GALNTL6: variants seen among roughly 807,000 people sequenced by gnomAD.
GALNTL6 encodes polypeptide N-acetylgalactosaminyltransferase-like 6.
GALNTL6 carries 46 observed loss-of-function variants against 73.7 expected under a neutral mutation model. The observed-to-expected ratio is 0.62, with a 90% CI of 0.49 to 0.80. GALNTL6 has a LOEUF of 0.80. Among genes scored for constraint, GALNTL6 ranks in the 30% least tolerant of loss-of-function variants. The pLI is 0.00. For missense variants in GALNTL6, 604 were observed against 755.0 expected (o/e 0.80, Z 2.34); for synonymous variants, 259 against 263.7 (o/e 0.98, Z 0.17).
At chr4:172,559,372 A>C (rs1042726085) in intron 5 of GALNTL6, among the ~76,000 whole-genome samples, 8 of 152,092 alleles carry the variant, frequency 5.3e-5, no homozygotes, top group Non-Finnish European at 1.2e-4. Context: ...AGAACATGTG[A>C]TAATTAAGTC....
chr4:172,835,680 C>CGAAT (rs1248063242), intron 7 of GALNTL6, among the ~76,000 whole-genome samples: 1 of 151,950 alleles, frequency 6.6e-6, no homozygotes. Flanking sequence ...AGCAAGAAGC[C>CGAAT]GAATGCACTC....
At chr4:172,629,409 G>A (rs1456710873) in intron 5 of GALNTL6, among the ~76,000 whole-genome samples, 1 of 151,920 alleles carries the variant, frequency 6.6e-6, no homozygotes, top group Non-Finnish European at 1.5e-5. Context: ...TGTGAGAATC[G>A]GAATTGAATT....
intron 2 of GALNTL6, among the ~76,000 whole-genome samples, chr4:171,825,261 G>T (rs1283535227): frequency 6.6e-6 from 1 of 152,116 alleles, no homozygotes; most frequent in Non-Finnish European, 1.5e-5. Flanking sequence ...TGCGGCTGGA[G>T]ACCATAGTTG....
chr4:172,536,116 C>T (rs568705774), intron 5 of GALNTL6, among the ~76,000 whole-genome samples: 2 of 152,294 alleles, frequency 1.3e-5, no homozygotes, highest in South Asian at 4.1e-4. Flanking sequence ...CAATGTAAGA[C>T]ATGTCTTGTT....
rs527992304 is a variant in GALNTL6 at position 171,875,495 on chromosome 4, T to C, written c.138+60777T>C. Among the ~76,000 whole-genome samples, 11 of 152,190 alleles carry C rather than the reference T, an allele frequency of 7.2e-5. No individual in the cohort carries two copies. In the East Asian group the frequency reaches 7.7e-4, roughly 11 times the overall value. On this transcript the variant is annotated intron_variant, in intron 2 of 12. Transcript: ENST00000506823. ...TCCCCTTACTGTCAGTTGATGCACATGTGTGAGCACAGGTGATCAATACGA... is the reference window on the plus strand; with the variant it reads ...TCCCCTTACTGTCAGTTGATGCACACGTGTGAGCACAGGTGATCAATACGA...
chr4:172,568,510 A>G (rs1378120027), intron 5 of GALNTL6, among the ~76,000 whole-genome samples: 1 of 152,010 alleles, frequency 6.6e-6, no homozygotes, highest in Non-Finnish European at 1.5e-5. Flanking sequence ...TAATCCCAGC[A>G]CTTTGGGAGG....
chr4:172,923,183 G>A (rs1747881344), intron 8 of GALNTL6, among the ~76,000 whole-genome samples: 2 of 152,166 alleles, frequency 1.3e-5, no homozygotes, highest in Admixed American at 1.3e-4. Flanking sequence ...CCGACACTGG[G>A]CAATTTACAA....
intron 2 of GALNTL6, among the ~76,000 whole-genome samples, chr4:172,116,731 T>C (rs2110989227): frequency 6.6e-6 from 1 of 152,340 alleles, no homozygotes; most frequent in South Asian, 2.1e-4. Flanking sequence ...CAAAGCACAC[T>C]TTTTAAAACA....
intron 5 of GALNTL6, among the ~76,000 whole-genome samples, chr4:172,522,307 T>C (rs186309337): frequency 8.1e-4 from 124 of 152,342 alleles, no homozygotes; most frequent in African/African-American, 2.7e-3. Flanking sequence ...CTTTTATATT[T>C]GCATTCTCTT....
intron 2 of GALNTL6, among the ~76,000 whole-genome samples, chr4:172,228,888 C>T (rs1031040015): frequency 3.9e-5 from 6 of 152,132 alleles, no homozygotes; most frequent in East Asian, 1.9e-4. Context: ...TATAACATAT[C>T]GGACTTTGGA....
At chr4:172,057,898 C>T (rs1731078374) in intron 2 of GALNTL6, among the ~76,000 whole-genome samples, 1 of 151,570 alleles carries the variant, frequency 6.6e-6, no homozygotes, top group African/African-American at 2.4e-5. Context: ...CACTTATGAA[C>T]ATAGCTCTTT....
Position 171,923,786 on chromosome 4 carries a change from CTGTGTGTGTGTGTG to C in GALNTL6, c.138+109096_138+109109del, listed in dbSNP as rs563244976. Among the ~76,000 whole-genome samples, 1,294 of 133,286 alleles carry C rather than the reference CTGTGTGTGTGTGTG, an allele frequency of 9.7e-3. 22 individuals carry two copies. The highest frequency in any genetic ancestry group is 0.036 in the African/African-American group (1,233 of 34,264). 87.4% of individuals were successfully genotyped at this position (133,286 alleles called of 152,430 possible). On this transcript the variant is annotated intron_variant, in intron 2 of 12. Transcript: ENST00000506823. ...CTACCAGGACACACAAAAAGTATTG[CTGTGTGTGTGTGTG>C]TGTGTGTGTGTGTGTGTGTGTGTGT... is the stretch of plus-strand genomic sequence containing the variant.
intron 3 of GALNTL6, among the ~76,000 whole-genome samples, chr4:172,309,524 A>G (rs1367868152): frequency 2.6e-5 from 4 of 152,066 alleles, no homozygotes; most frequent in Admixed American, 6.6e-5. Flanking sequence ...ACACTCAAGC[A>G]CATACACACA....
intron 8 of GALNTL6, among the ~76,000 whole-genome samples, chr4:172,909,634 T>C (rs1272745490): frequency 6.6e-6 from 1 of 152,120 alleles, no homozygotes; most frequent in African/African-American, 2.4e-5. Flanking sequence ...TTGATAGCAA[T>C]GTGTTGTTTT....
chr4:172,102,379 A>G (rs138130828), intron 2 of GALNTL6, among the ~76,000 whole-genome samples: 1 of 152,306 alleles, frequency 6.6e-6, no homozygotes, highest in Non-Finnish European at 1.5e-5. Flanking sequence ...GAGCCATTCA[A>G]ATGAAAAGAG....
chr4:172,718,570 T>C (rs1397972792), intron 5 of GALNTL6, among the ~76,000 whole-genome samples: 1 of 151,862 alleles, frequency 6.6e-6, no homozygotes, highest in Non-Finnish European at 1.5e-5. Flanking sequence ...CCTGGGAGGT[T>C]GAGGCTACAA....
chr4:172,658,128 T>C (rs837204), intron 5 of GALNTL6, among the ~76,000 whole-genome samples: 1,317 of 62,292 alleles, frequency 0.021, 31 homozygotes, highest in African/African-American at 0.069. Context: ...CCAGCCTGGG[T>C]GACAGAGCGA....
intron 2 of GALNTL6, among the ~76,000 whole-genome samples, chr4:171,933,930 T>C (rs1484129336): frequency 6.6e-6 from 1 of 152,206 alleles, no homozygotes; most frequent in Admixed American, 6.5e-5. Flanking sequence ...TTATAGACTA[T>C]AGTTTTTTCT....
chr4:172,232,343 G>C (rs923054464), intron 3 of GALNTL6, among the ~76,000 whole-genome samples: 6 of 151,922 alleles, frequency 3.9e-5, no homozygotes, highest in African/African-American at 1.5e-4. Flanking sequence ...TTTACTGTAT[G>C]ACTTTCTTCT....
Sources: gnomAD v4.1 joint callset for allele counts (sites outside exome capture counted in the v4.1 genomes callset) on GRCh38, gnomAD v4.1.1 for gene constraint, MANE v1.5 for transcripts, NCBI Gene and HGNC (gene_info 2026-07-23, HGNC 2026-07-21) for gene names.